NXPH1: variants seen among roughly 807,000 people sequenced by gnomAD.
NXPH1 encodes neurexophilin-1.
In NXPH1, 5 loss-of-function variants were observed where a neutral mutation model predicts 23.7. The observed-to-expected ratio is 0.21, with a 90% CI of 0.11 to 0.44. The LOEUF is 0.44. Ranked by LOEUF, NXPH1 falls within the 20% of genes least tolerant of loss-of-function variation. NXPH1 has a pLI of 0.99. For missense variants in NXPH1, 324 were observed against 321.6 expected, an observed-to-expected ratio of 1.01 and a Z score of -0.06; for synonymous variants, 144 against 122.2, an observed-to-expected ratio of 1.18 and a Z score of -1.18.
chr7:8,620,646 G>A (rs1377438058), intron 2 of NXPH1, among the ~76,000 whole-genome samples: 3 of 152,178 alleles, frequency 2.0e-5, no homozygotes, highest in East Asian at 1.9e-4. Context: ...ACTGAGCCCC[G>A]CTGATACCAT....
Position 8,539,550 on chromosome 7 carries a change from C to G in NXPH1, c.54+103783C>G, listed in dbSNP as rs541299031. Among the ~76,000 whole-genome samples, 6 of 151,906 alleles carry G rather than the reference C, an allele frequency of 3.9e-5. No individual in the cohort carries two copies. In the East Asian group the frequency reaches 1.2e-3, roughly 30 times the overall value. On this transcript the variant is annotated intron_variant, in intron 2 of 2. Coordinates refer to ENST00000405863, the MANE Select transcript of NXPH1 (RefSeq NM_152745.3). ...TTTCCTTTTAAAATGCTTATCAAGA[C>G]TTTCACAGTGGTTGCAGAACTACAA...
rs1028924851 is a variant in NXPH1 at position 8,593,901 on chromosome 7, C to T, written c.55-157107C>T. 1.9e-4 allele frequency among the ~76,000 whole-genome samples: 29 copies of T among 152,126 alleles called. 1 individual carries two copies. The East Asian group carries it at 4.1e-3, about 21-fold the overall frequency. The stretch of plus-strand genomic sequence containing the variant: ...AAATATATTTAAAGCATACACGATA[C>T]GTTACATACAAAAATACATATATTT... On this transcript the variant is annotated intron_variant, in intron 2 of 2. Transcript: ENST00000405863.
intron 2 of NXPH1, among the ~76,000 whole-genome samples, chr7:8,568,020 G>T (rs1019094926): frequency 3.3e-5 from 5 of 151,804 alleles, no homozygotes; most frequent in African/African-American, 1.2e-4. Flanking sequence ...TTGCTGAATT[G>T]CAGGGCGAGT....
At chr7:8,532,336 C>T (rs1415033922) in intron 2 of NXPH1, among the ~76,000 whole-genome samples, 3 of 152,064 alleles carry the variant, frequency 2.0e-5, no homozygotes, top group East Asian at 1.9e-4. Context: ...AAATCAATCC[C>T]GCTCAAACAG....
chr7:8,668,957 A>G (rs1820824381), intron 2 of NXPH1, among the ~76,000 whole-genome samples: 1 of 150,754 alleles, frequency 6.6e-6, no homozygotes, highest in Non-Finnish European at 1.5e-5. Flanking sequence ...GGGGACTGGC[A>G]TGAAGCCTGG....
At chr7:8,712,409 A>G (rs954869777) in intron 2 of NXPH1, among the ~76,000 whole-genome samples, 2 of 152,222 alleles carry the variant, frequency 1.3e-5, no homozygotes, top group African/African-American at 4.8e-5. Context: ...AGCAAAGTAA[A>G]TCAACTGCTT....
chr7:8,741,300 A>T (rs1351469926), intron 2 of NXPH1, among the ~76,000 whole-genome samples: 1 of 152,040 alleles, frequency 6.6e-6, no homozygotes, highest in East Asian at 1.9e-4. Context: ...TTTTCCATTC[A>T]TCCCTTGATG....
At chr7:8,738,350 T>C (rs1313826256) in intron 2 of NXPH1, among the ~76,000 whole-genome samples, 3 of 152,240 alleles carry the variant, frequency 2.0e-5, no homozygotes, top group Non-Finnish European at 4.4e-5. Flanking sequence ...TATTCCTTTC[T>C]ATTAGTTTTC....
intron 2 of NXPH1, among the ~76,000 whole-genome samples, chr7:8,555,399 T>C (rs913592354): frequency 1.3e-4 from 20 of 151,532 alleles, no homozygotes; most frequent in African/African-American, 3.4e-4. Flanking sequence ...AAGATACGAG[T>C]AGATTTTGAA....
intron 2 of NXPH1, among the ~76,000 whole-genome samples, chr7:8,681,978 C>G (rs980393864): frequency 3.9e-5 from 6 of 152,134 alleles, no homozygotes; most frequent in African/African-American, 1.4e-4. Context: ...GGGCAATTAT[C>G]AGGAGCAAAA....
At chr7:8,626,824 G>A (rs1296400124) in intron 2 of NXPH1, among the ~76,000 whole-genome samples, 1 of 151,994 alleles carries the variant, frequency 6.6e-6, no homozygotes, top group Non-Finnish European at 1.5e-5. Context: ...CATTATCCAT[G>A]CTTCTCTTAT....
rs112342765 is a variant in NXPH1 at position 8,461,601 on chromosome 7, C to T, written c.54+25834C>T. 1.5e-3 allele frequency among the ~76,000 whole-genome samples: 230 copies of T among 150,800 alleles called. 1 individual carries two copies. Among genetic ancestry groups the T allele is most frequent in the African/African-American group, 5.2e-3 (214 of 40,944 alleles). On this transcript the variant is annotated intron_variant, in intron 2 of 2. Transcript: ENST00000405863. ...ATCCCAGCACTTTGGGAGGCCGAGG[C>T]GGGTGGATCATGAGGTCAGGAGATC...
chr7:8,750,219 G>T (rs183652837), intron 2 of NXPH1, among the ~76,000 whole-genome samples: 2 of 152,286 alleles, frequency 1.3e-5, no homozygotes, highest in East Asian at 3.9e-4. Flanking sequence ...ATATACCAGA[G>T]TCTCTTTGCA....
At chr7:8,599,838 T>G (rs1819315361) in intron 2 of NXPH1, among the ~76,000 whole-genome samples, 1 of 151,300 alleles carries the variant, frequency 6.6e-6, no homozygotes, top group Non-Finnish European at 1.5e-5. Flanking sequence ...AGGGAGGGAT[T>G]GTTGGTATTA....
intron 2 of NXPH1, among the ~76,000 whole-genome samples, chr7:8,529,662 C>T (rs1243252377): frequency 6.6e-6 from 1 of 152,022 alleles, no homozygotes; most frequent in African/African-American, 2.4e-5. Flanking sequence ...TTAAATTTTC[C>T]CATGTGTATA....
At chr7:8,532,348 C>A (rs1298377447) in intron 2 of NXPH1, among the ~76,000 whole-genome samples, 1 of 151,904 alleles carries the variant, frequency 6.6e-6, no homozygotes, top group Non-Finnish European at 1.5e-5. Context: ...CTCAAACAGA[C>A]ACCTTCAGGC....
intron 2 of NXPH1, among the ~76,000 whole-genome samples, chr7:8,547,237 A>G (rs1240767853): frequency 1.3e-5 from 2 of 151,420 alleles, no homozygotes; most frequent in African/African-American, 2.4e-5. Context: ...AAATTGGAGG[A>G]GAGAAAGATA....
chr7:8,543,592 T>G (rs1818151414), intron 2 of NXPH1, among the ~76,000 whole-genome samples: 1 of 151,678 alleles, frequency 6.6e-6, no homozygotes, highest in Non-Finnish European at 1.5e-5. Context: ...CAGGAGATTC[T>G]GATGTGATGA....
At chr7:8,648,272 T>G (rs1820427593) in intron 2 of NXPH1, among the ~76,000 whole-genome samples, 1 of 152,194 alleles carries the variant, frequency 6.6e-6, no homozygotes, top group Admixed American at 6.5e-5. Flanking sequence ...TCTTTTTTTT[T>G]CTTGTAGCCA....
Sources: gnomAD v4.1 joint callset for allele counts (sites outside exome capture counted in the v4.1 genomes callset) on GRCh38, gnomAD v4.1.1 for gene constraint, MANE v1.5 for transcripts, NCBI Gene and HGNC (gene_info 2026-07-23, HGNC 2026-07-21) for gene names.